The following TRAK1 variants were observed in gnomAD, a reference collection of about 807,000 sequenced individuals.
TRAK1 encodes the protein trafficking kinesin protein 1.
Under a neutral mutation model 92.1 loss-of-function variants are expected in TRAK1, and 33 were observed. That is an observed-to-expected ratio of 0.36 (90% CI 0.27 to 0.48). The LOEUF is 0.48. Ranked by LOEUF, TRAK1 falls within the 20% of genes least tolerant of loss-of-function variation. The pLI is 0.99. For missense variants in TRAK1, 1,123 were observed against 1,257.9 expected (o/e 0.89, Z 1.62); for synonymous variants, 521 against 517.3 (o/e 1.01, Z -0.10).
At chr3:42,172,416 A>G (rs919455614) in intron 2 of TRAK1, among the ~76,000 whole-genome samples, 6 of 152,052 alleles carry the variant, frequency 3.9e-5, no homozygotes, top group African/African-American at 1.2e-4. Flanking sequence ...TAGTTCTTAA[A>G]TCTCAGGATA....
intron 12 of TRAK1, among the ~76,000 whole-genome samples, chr3:42,201,773 T>C (rs1337801866): frequency 6.6e-6 from 1 of 151,550 alleles, no homozygotes; most frequent in East Asian, 1.9e-4. Flanking sequence ...GAGGGTGGGG[T>C]GCAGGGGGGC....
rs1157067369 is a variant in TRAK1, at chr3:42,054,904, A to ATTTTTTTTTTTTTTTTTT, written c.-518-32183_-518-32166dup. Among the ~76,000 whole-genome samples, 15 of 37,106 alleles carry ATTTTTTTTTTTTTTTTTT rather than the reference A, an allele frequency of 4.0e-4. 4 individuals carry two copies. Among genetic ancestry groups the ATTTTTTTTTTTTTTTTTT allele is most frequent in the Non-Finnish European group, 5.6e-4 (11 of 19,538 alleles). 24.3% of individuals were successfully genotyped at this position (37,106 alleles called of 152,430 possible). A position where few individuals can be genotyped will look rare whatever the true frequency, so the allele number is the denominator to read the frequency against. ...TTGTAAATGATCTACAGCAAACTAGATTTTTTTTTTTTTTTTTTTTTTTTT... is the reference window on the plus strand; with the variant it reads ...TTGTAAATGATCTACAGCAAACTAGATTTTTTTTTTTTTTTTTTTTTTTTTTTTTTTTTTTTTTTTTTT... On this transcript the variant is annotated intron_variant, in intron 1 of 16. Coordinates refer to the TRAK1 transcript ENST00000487159.
chr3:42,023,453 T>C (rs1701799561), intron 1 of TRAK1, among the ~76,000 whole-genome samples: 1 of 152,134 alleles, frequency 6.6e-6, no homozygotes, highest in Non-Finnish European at 1.5e-5. Flanking sequence ...AAACGTGTCC[T>C]AGGCCGTATG....
chr3:42,064,242 T>A (rs575205791), intron 1 of TRAK1, among the ~76,000 whole-genome samples: 1 of 152,158 alleles, frequency 6.6e-6, no homozygotes, highest in South Asian at 2.1e-4. Context: ...GGTGGGTGGA[T>A]CCCTTGAGCC....
At chr3:42,222,918 A>G (rs1310414394) in intron 15 of TRAK1, 24 bp from the exon 16 acceptor site, 39 of 1,598,126 alleles carry the variant, frequency 2.4e-5, no homozygotes, top group Non-Finnish European at 3.2e-5. Context: ...TTTCTGGTGA[A>G]TAACCTGTCA....
chr3:42,069,263 G>C (rs1281262772), intron 1 of TRAK1, among the ~76,000 whole-genome samples: 1 of 150,472 alleles, frequency 6.6e-6, no homozygotes, highest in African/African-American at 2.4e-5. Context: ...CAAGGCTGCA[G>C]TGAGACTTGC....
intron 2 of TRAK1, chr3:42,160,080 T>A: frequency 1.1e-6 from 1 of 939,748 alleles, no homozygotes; most frequent in South Asian, 3.4e-5. Flanking sequence ...CTCCTGCGCC[T>A]AGCAGGGCAT....
chr3:42,192,164 A>C (rs1053235484), intron 7 of TRAK1, among the ~76,000 whole-genome samples: 1 of 152,084 alleles, frequency 6.6e-6, no homozygotes, highest in Non-Finnish European at 1.5e-5. Context: ...GGCCTCCCAA[A>C]GTGCTGGGAT....
At chr3:42,092,865 C>T (rs1705317939) in intron 1 of TRAK1, among the ~76,000 whole-genome samples, 1 of 152,114 alleles carries the variant, frequency 6.6e-6, no homozygotes, top group African/African-American at 2.4e-5. Flanking sequence ...GGATTACAGG[C>T]GTGAGCCACC....
rs531199777 is a variant in TRAK1 at position 42,121,348 on chromosome 3, C to G, written c.92-4072C>G. 1.1e-4 allele frequency among the ~76,000 whole-genome samples: 16 copies of G among 151,856 alleles called. No individual in the cohort carries two copies. In the East Asian group the frequency reaches 3.1e-3, roughly 30 times the overall value. ...AGTCTCGGCTCACTGCAAGCTCCGC[C>G]TCCGGGGTTCACACCATTCTCCTGC... On this transcript the variant is annotated intron_variant, in intron 1 of 15. Coordinates refer to ENST00000327628, the MANE Select transcript of TRAK1 (RefSeq NM_001042646.3).
chr3:42,138,564 A>G (rs1298947440), intron 2 of TRAK1, among the ~76,000 whole-genome samples: 1 of 152,112 alleles, frequency 6.6e-6, no homozygotes, highest in Non-Finnish European at 1.5e-5. Context: ...GATTGCCTTC[A>G]TTTTAATTAA....
At chr3:42,212,300 G>A in intron 14 of TRAK1, 1 of 985,402 alleles carries the variant, frequency 1.0e-6, no homozygotes, top group Non-Finnish European at 1.2e-6. Context: ...TTACCAAACA[G>A]CACTATCCCA....
chr3:42,149,588 A>C, intron 2 of TRAK1: 1 of 1,536,106 alleles, frequency 6.5e-7, no homozygotes, highest in Non-Finnish European at 8.7e-7. Flanking sequence ...TATTATGAAG[A>C]ATGCTCGGAT....
In TRAK1 at chr3:42,219,741, A is replaced by G. The variant is rs917956431; in HGVS notation, c.2066+145A>G. On this transcript the variant is annotated intron_variant, in intron 15 of 15. Coordinates refer to ENST00000327628, the MANE Select transcript of TRAK1 (RefSeq NM_001042646.3). ...CCAGTGTAAGCATCTCAGCATTTGC[A>G]GGCACTTGTTCTGGGTCCCATCCTT... 4 of 730,806 alleles carry G rather than the reference A, an allele frequency of 5.5e-6. No individual in the cohort carries two copies. In the African/African-American group the frequency reaches 7.1e-5, roughly 13 times the overall value. 45.3% of individuals were successfully genotyped at this position (730,806 alleles called of 1,614,324 possible). A position where few individuals can be genotyped will look rare whatever the true frequency, so the allele number is the denominator to read the frequency against.
intron 14 of TRAK1, among the ~76,000 whole-genome samples, chr3:42,215,501 G>GGTGT (rs3836497): frequency 1.3e-4 from 19 of 151,100 alleles, no homozygotes; most frequent in African/African-American, 3.6e-4. Flanking sequence ...CCACTGTTGG[G>GGTGT]GTGTGTGTGT....
intron 2 of TRAK1, 28 bp downstream of exon 2, chr3:42,125,642 T>G: frequency 6.2e-7 from 1 of 1,610,944 alleles, no homozygotes; most frequent in Non-Finnish European, 8.5e-7. Context: ...TGTGTTGTGA[T>G]GGCAGTATCA....
At chr3:42,036,014 G>C (rs1417515363) in intron 1 of TRAK1, among the ~76,000 whole-genome samples, 1 of 152,216 alleles carries the variant, frequency 6.6e-6, no homozygotes, top group African/African-American at 2.4e-5. Context: ...AGCCTTCCCT[G>C]ACCCCAAGTG....
intron 3 of TRAK1, among the ~76,000 whole-genome samples, chr3:42,183,334 TCA>T (rs1399908540): frequency 2.6e-5 from 4 of 151,902 alleles, no homozygotes; most frequent in African/African-American, 9.7e-5. Flanking sequence ...GGAGGGCGAA[TCA>T]CCTGAGATCA....
chr3:42,155,068 A>G (rs910325831), intron 2 of TRAK1, among the ~76,000 whole-genome samples: 1 of 152,112 alleles, frequency 6.6e-6, no homozygotes, highest in Non-Finnish European at 1.5e-5. Context: ...ATCAGTTTTA[A>G]TTATGTAAGT....
Sources: allele counts gnomAD v4.1 joint callset (sites outside exome capture counted in the v4.1 genomes callset), GRCh38; gene constraint gnomAD v4.1.1; transcripts MANE v1.5; gene names NCBI Gene and HGNC (gene_info 2026-07-23, HGNC 2026-07-21).